The following KLHL31 variants were observed in gnomAD, a reference collection of about 807,000 sequenced individuals.
KLHL31 encodes kelch like family member 31.
A neutral mutation model predicts 47.1 loss-of-function variants in KLHL31; 32 were observed. The ratio of observed to expected loss-of-function variants is 0.68; its 90% CI spans 0.51 to 0.91. KLHL31 has a LOEUF of 0.91. Among genes scored for constraint, KLHL31 ranks in the 40% least tolerant of loss-of-function variants. The pLI is 0.00. For missense variants in KLHL31, 797 were observed against 819.3 expected (o/e 0.97, Z 0.33); for synonymous variants, 330 against 325.1 (o/e 1.01, Z -0.16).
chr6:53,652,399 T>C, intron 2 of KLHL31, 69 bp from the exon 3 acceptor site: 1 of 1,590,636 alleles, frequency 6.3e-7, no homozygotes, highest in Non-Finnish European at 8.5e-7. Flanking sequence ...ACTTTGCAAA[T>C]CATGAGTGGG....
At chr6:53,652,579 C>A (rs568149741) in intron 2 of KLHL31, among the ~76,000 whole-genome samples, 10 of 152,272 alleles carry the variant, frequency 6.6e-5, no homozygotes, top group African/African-American at 2.4e-4. Context: ...TATAAGCACT[C>A]CCTTTATGGG....
At chr6:53,662,289 G>A (rs903736583) in intron 1 of KLHL31, among the ~76,000 whole-genome samples, 2 of 152,202 alleles carry the variant, frequency 1.3e-5, no homozygotes, top group Admixed American at 6.5e-5. Context: ...GGGATCAAAG[G>A]AAGGAAGAAC....
intron 1 of KLHL31, among the ~76,000 whole-genome samples, chr6:53,659,180 C>T (rs1408108360): frequency 6.6e-6 from 1 of 152,168 alleles, no homozygotes; most frequent in Admixed American, 6.5e-5. Context: ...CATGGACAAA[C>T]AGTCATGAGG....
In KLHL31 at chr6:53,651,798, G is replaced by A; in HGVS notation, c.1705C>T (p.Leu569=). 1 of 1,613,218 alleles carries A rather than the reference G, an allele frequency of 6.2e-7. No individual in the cohort carries two copies. Among genetic ancestry groups the A allele is most frequent in the South Asian group, 1.1e-5 (1 of 91,092 alleles). Residue 569 remains leucine (L), a synonymous_variant, in exon 3 of 3, where the codon CTG becomes TTG. Coordinates refer to ENST00000370905, the MANE Select transcript of KLHL31 (RefSeq NM_001003760.5). ...TCGCCCTCGTTCCAGCCCCCCACCA[G>A]GTAGGCGCGGCCATGCAGCGCCGAG... ...GVSALHGRAY[L]VGGWNEGEKK... is the part of the protein sequence containing the mutation.
At position 53,652,068 on chromosome 6, in the gene KLHL31, A is replaced by G. The variant is rs781117644; in HGVS notation, c.1435T>C (p.Tyr479His). 7 of 1,596,960 alleles carry G rather than the reference A, an allele frequency of 4.4e-6. No individual in the cohort carries two copies. In the South Asian group the frequency reaches 6.6e-5, roughly 15 times the overall value. The part of the protein sequence containing the change: ...LVTGGYIANA[Y>H]SRSVCAYDPA... ...TCGTAGGCGCACACAGAGCGCGAGT[A>G]GGCGTTGGCTATGTAGCCTCCGGTC... The change falls in exon 3 of 3, where the codon TAC (tyrosine) becomes CAC (histidine). Residue 479 changes from tyrosine to histidine, a missense_variant. Tyr to His is a moderately conservative substitution (Grantham distance 83). Transcript: ENST00000370905.
intron 1 of KLHL31, among the ~76,000 whole-genome samples, chr6:53,659,799 AAG>A (rs1373631093): frequency 2.0e-5 from 3 of 152,174 alleles, no homozygotes; most frequent in Non-Finnish European, 2.9e-5. Context: ...AATCTCCAGG[AAG>A]AGAGAGTGCA....
chr6:53,658,778 A>T (rs12524915), intron 1 of KLHL31, among the ~76,000 whole-genome samples: 13,545 of 152,250 alleles, frequency 0.089, 679 homozygotes, highest in Non-Finnish European at 0.11. Flanking sequence ...AAAATTAAAC[A>T]GTTTCCTTTT....
In KLHL31 at chr6:53,652,124, G is replaced by C. The variant is rs1764483273; in HGVS notation, c.1379C>G (p.Ala460Gly). Reference sequence around the variant, plus strand: ...CACGCGGCCGTCGGCGACCGCGCTAGCGTGGCAGCAGCGCGCCACCTCCAG... The same window carrying C: ...CACGCGGCCGTCGGCGACCGCGCTACCGTGGCAGCAGCGCGCCACCTCCAG... ...TPLEVARCCH[A>G]SAVADGRVLV... The change falls in exon 3 of 3, where the codon GCT becomes GGT. Residue 460 changes from alanine to glycine, a missense_variant. By Grantham distance (60) the Ala-to-Gly change is moderately conservative (BLOSUM62 0). Transcript: ENST00000370905. 6.2e-7 allele frequency: 1 copy of C among 1,601,666 alleles called. No homozygotes were observed. Among genetic ancestry groups the C allele is most frequent in the African/African-American group, 1.3e-5 (1 of 74,888 alleles).
chr6:53,663,075 C>G (rs1304341826), intron 1 of KLHL31, among the ~76,000 whole-genome samples: 2 of 151,428 alleles, frequency 1.3e-5, no homozygotes, highest in African/African-American at 4.8e-5. Context: ...AATTAAGAAT[C>G]AGAAAGAGTA....
rs1184642218 is a variant in KLHL31, at chr6:53,649,440, T to C, written c.*2158A>G. 2.0e-5 allele frequency: 3 copies of C among 152,176 alleles called. No homozygotes were observed. Among genetic ancestry groups the C allele is most frequent in the Admixed American group, 1.3e-4 (2 of 15,282 alleles). The allele number at this position is 152,176 out of a possible 1,614,324, so 9.4% of individuals were successfully genotyped here. ...AAATAAATTAAATGGTAATTTTAAA[T>C]GATTTATCCAGCACTAACATGTCTC... is the stretch of plus-strand genomic sequence containing the variant. On this transcript the variant is annotated 3_prime_UTR_variant, in exon 3 of 3. Transcript: ENST00000370905.
At position 53,651,677 on chromosome 6, in the gene KLHL31, C is replaced by A. The variant is rs1358951811; in HGVS notation, c.1826G>T (p.Cys609Phe). ...GTTGTTGGGCATCGAGAGGGTGCAG[C>A]AGGACACGCCGACAGTGGCCTCGGG... is the stretch of plus-strand genomic sequence containing the variant. ...ELPEATVGVS[C>F]CTLSMPNNVT... The change falls in exon 3 of 3, where the codon TGC becomes TTC. Residue 609 changes from cysteine to phenylalanine, a missense_variant. Cys to Phe is a radical substitution (Grantham distance 205). Transcript: ENST00000370905. 6.2e-7 allele frequency: 1 copy of A among 1,614,184 alleles called. No homozygotes were observed. Among genetic ancestry groups the A allele is most frequent in the Non-Finnish European group, 8.5e-7 (1 of 1,180,026 alleles).
At chr6:53,663,877 A>G (rs984427794) in intron 1 of KLHL31, among the ~76,000 whole-genome samples, 1 of 152,214 alleles carries the variant, frequency 6.6e-6, no homozygotes, top group African/African-American at 2.4e-5. Flanking sequence ...TAACCACTTG[A>G]TAGACCTATA....
rs1764448974 is a variant in KLHL31 at position 53,650,534 on chromosome 6, C to G, written c.*1064G>C. 6.6e-6 allele frequency: 1 copy of G among 152,164 alleles called. No homozygotes were observed. The highest frequency in any genetic ancestry group is 2.1e-4 in the South Asian group (1 of 4,832). 9.4% of individuals were successfully genotyped at this position (152,164 alleles called of 1,614,324 possible). On this transcript the variant is annotated 3_prime_UTR_variant, in exon 3 of 3. Coordinates refer to ENST00000370905, the MANE Select transcript of KLHL31 (RefSeq NM_001003760.5). Reference sequence around the variant, plus strand: ...GGAGAACCCATTCATCCAGTTACTACCAAATCTACAAATTCCAAATGTTTC... The same window carrying G: ...GGAGAACCCATTCATCCAGTTACTAGCAAATCTACAAATTCCAAATGTTTC...
chr6:53,654,839 G>A lies in KLHL31; in HGVS notation c.434C>T (p.Ser145Phe), dbSNP rs1409870642. 6.2e-7 allele frequency: 1 copy of A among 1,614,144 alleles called. No individual in the cohort carries two copies. Among genetic ancestry groups the A allele is most frequent in the East Asian group, 2.2e-5 (1 of 44,882 alleles). ...ATGGATCTGAAGATAAACAGCAGCA[G>A]AAATAATGCTTCCTATTGTATACAA... ...LSLYTIGSIISAAVYLQIHTL... is the reference protein window; with the variant it reads ...LSLYTIGSIIFAAVYLQIHTL... Residue 145 changes from serine (S) to phenylalanine (F), a missense_variant, in exon 2 of 3, where the codon TCT (serine) becomes TTT (phenylalanine). Transcript: ENST00000370905.
chr6:53,659,068 C>T (rs747816383), intron 1 of KLHL31, among the ~76,000 whole-genome samples: 9 of 152,134 alleles, frequency 5.9e-5, no homozygotes, highest in African/African-American at 1.9e-4. Flanking sequence ...AAATTTGAAC[C>T]ATTTTCATGA....
rs768315149 is a variant in KLHL31 at position 53,651,730 on chromosome 6, G to C, written c.1773C>G (p.Leu591=). 27 of 1,614,054 alleles carry C rather than the reference G, an allele frequency of 1.7e-5. No homozygotes were observed. The highest frequency in any genetic ancestry group is 2.3e-5 in the Non-Finnish European group (27 of 1,180,040). Residue 591 remains leucine, a synonymous_variant, in exon 3 of 3, where the codon CTC becomes CTG. Coordinates refer to ENST00000370905, the MANE Select transcript of KLHL31 (RefSeq NM_001003760.5). ...KKCIQCFSPE[L]NEWTEDDELP... ...GCTCGTCGTCCTCCGTCCACTCGTT[G>C]AGCTCGGGGCTGAAGCACTGGATGC...
Position 53,654,249 on chromosome 6 carries a change from C to G in KLHL31, c.1024G>C (p.Glu342Gln), listed in dbSNP as rs1243397297. ...TCCGTAAGCTTGCTCCATCCATTTTCAGGGTCTCTATACAAGATGTCTCTG... is the reference window on the plus strand; with the variant it reads ...TCCGTAAGCTTGCTCCATCCATTTTGAGGGTCTCTATACAAGATGTCTCTG... ...LSRDILYRDP[E>Q]NGWSKLTEMP... is the part of the protein sequence containing the mutation. Residue 342 changes from glutamate (E) to glutamine (Q), a missense_variant, in exon 2 of 3, where the codon GAA becomes CAA. Transcript: ENST00000370905. 5 of 1,614,086 alleles carry G rather than the reference C, an allele frequency of 3.1e-6. No homozygotes were observed. The highest frequency in any genetic ancestry group is 1.3e-5 in the African/African-American group (1 of 74,936).
intron 1 of KLHL31, among the ~76,000 whole-genome samples, chr6:53,661,993 C>A (rs909592168): frequency 6.6e-6 from 1 of 152,006 alleles, no homozygotes; most frequent in Non-Finnish European, 1.5e-5. Flanking sequence ...CTCTCTCTCT[C>A]TTTTTTCTTT....
chr6:53,649,529 G>A lies in KLHL31; in HGVS notation c.*2069C>T, dbSNP rs2127366822. The A allele has an allele frequency of 6.6e-6, 1 of 152,286 alleles. No individual in the cohort carries two copies. The highest frequency in any genetic ancestry group is 1.5e-5 in the Non-Finnish European group (1 of 68,000). The allele number at this position is 152,286 out of a possible 1,614,324, so 9.4% of individuals were successfully genotyped here. A position where few individuals can be genotyped will look rare whatever the true frequency, so the allele number is the denominator to read the frequency against. Reference sequence around the variant, plus strand: ...CAACCTAATTTATCAAGCTTTGATAGATGAAAAATCCTCTAGTTTCAGTAT... The same window carrying A: ...CAACCTAATTTATCAAGCTTTGATAAATGAAAAATCCTCTAGTTTCAGTAT... On this transcript the variant is annotated 3_prime_UTR_variant, in exon 3 of 3. Coordinates refer to ENST00000370905, the MANE Select transcript of KLHL31 (RefSeq NM_001003760.5).
Sources: gnomAD v4.1 joint callset for allele counts (sites outside exome capture counted in the v4.1 genomes callset) on GRCh38, gnomAD v4.1.1 for gene constraint, MANE v1.5 for transcripts, NCBI Gene and HGNC (gene_info 2026-07-23, HGNC 2026-07-21) for gene names.